The following PREX1 variants were observed in gnomAD, a reference collection of about 807,000 sequenced individuals.
The protein encoded by PREX1 is phosphatidylinositol-3,4,5-trisphosphate dependent Rac exchange factor 1, also known as phosphatidylinositol 3,4,5-trisphosphate-dependent Rac exchanger 1 protein.
Under a neutral mutation model 198.3 loss-of-function variants are expected in PREX1, and 41 were observed. That is an observed-to-expected ratio of 0.21 (90% CI 0.16 to 0.27). PREX1 has a LOEUF of 0.27. Ranked by LOEUF, PREX1 falls within the 10% of genes least tolerant of loss-of-function variation. PREX1 has a pLI of 1.00. For missense variants in PREX1, 1,620 were observed against 2,200.7 expected (o/e 0.74, Z 5.28); for synonymous variants, 843 against 887.2 (o/e 0.95, Z 0.89).
chr20:48,824,851 G>A (rs2090501802), intron 1 of PREX1, among the ~76,000 whole-genome samples: 2 of 152,124 alleles, frequency 1.3e-5, no homozygotes, highest in African/African-American at 2.4e-5. Flanking sequence ...TATCACGGGG[G>A]TTACTTTCCA....
At position 48,758,871 on chromosome 20, in the gene PREX1, T is replaced by C. The variant is rs900183910; in HGVS notation, c.220-10991A>G. 3.9e-5 allele frequency among the ~76,000 whole-genome samples: 6 copies of C among 152,160 alleles called. No individual in the cohort carries two copies. In the South Asian group the frequency reaches 8.3e-4, roughly 21 times the overall value. On this transcript the variant is annotated intron_variant, in intron 1 of 39. Coordinates refer to ENST00000371941, the MANE Select transcript of PREX1 (RefSeq NM_020820.4). ...AGCACCTGTCACCATGGACATTATG[T>C]GTGTTCATTATCAGTCTATTATCCA...
intron 28 of PREX1, 74 bp downstream of exon 28, chr20:48,642,333 C>T (rs1478181243): frequency 3.1e-6 from 5 of 1,604,388 alleles, no homozygotes; most frequent in Admixed American, 3.3e-5. Flanking sequence ...ACCCACAGCC[C>T]CCGGGTCATG....
At chr20:48,849,479 A>G in the PREX1 span, 1 of 152,234 alleles carries the variant, frequency 6.6e-6, no homozygotes, top group African/African-American at 2.4e-5. Context: ...ATGTTAGCTC[A>G]GCTGGGGCAG....
At chr20:48,864,887 C>T in the PREX1 span, among the ~76,000 whole-genome samples, 1 of 152,156 alleles carries the variant, frequency 6.6e-6, no homozygotes, top group Non-Finnish European at 1.5e-5. Flanking sequence ...GCAATCAGAT[C>T]ACCTTTATTT....
At chr20:48,693,721 C>A (rs2089831235) in intron 7 of PREX1, among the ~76,000 whole-genome samples, 2 of 151,940 alleles carry the variant, frequency 1.3e-5, no homozygotes, top group African/African-American at 4.8e-5. Flanking sequence ...GATTCTCCTG[C>A]CTCAGCCTCC....
chr20:48,718,468 G>A (rs1049653926), intron 5 of PREX1, among the ~76,000 whole-genome samples: 2 of 152,002 alleles, frequency 1.3e-5, no homozygotes, highest in Admixed American at 6.6e-5. Flanking sequence ...AATAAAACAC[G>A]GAAAGACGCA....
chr20:48,672,595 C>T (rs1197343792), intron 14 of PREX1, among the ~76,000 whole-genome samples: 2 of 152,262 alleles, frequency 1.3e-5, no homozygotes, highest in Non-Finnish European at 2.9e-5. Context: ...CTCGCCACTC[C>T]TCTCCCCTCT....
chr20:48,885,192 A>C, the PREX1 span, among the ~76,000 whole-genome samples: 1 of 152,234 alleles, frequency 6.6e-6, no homozygotes, highest in Non-Finnish European at 1.5e-5. Context: ...TCATCACTAT[A>C]GGTCATTTGG....
intron 1 of PREX1, among the ~76,000 whole-genome samples, chr20:48,825,076 A>C (rs1305645429): frequency 6.6e-6 from 1 of 152,232 alleles, no homozygotes; most frequent in Non-Finnish European, 1.5e-5. Context: ...TGAGGCTGCC[A>C]GCCTTGCAAC....
At chr20:48,653,234 T>C (rs1204958340) in intron 20 of PREX1, 127 bp downstream of exon 20, 1 of 1,406,374 alleles carries the variant, frequency 7.1e-7, no homozygotes, top group East Asian at 2.3e-5. Context: ...TCTTGTTGGG[T>C]CAGCAGCTCC....
At chr20:48,829,907 C>T (rs140308596), upstream of PREX1, among the ~76,000 whole-genome samples, 21 of 152,244 alleles carry the variant, frequency 1.4e-4, no homozygotes, top group African/African-American at 2.6e-4. Flanking sequence ...TTTGTGAGAG[C>T]GAATTCTATG....
At chr20:48,652,771 G>A (rs1314793844) in intron 20 of PREX1, 65 bp from the exon 21 acceptor site, 34 of 1,539,230 alleles carry the variant, frequency 2.2e-5, no homozygotes, top group South Asian at 1.1e-4. Flanking sequence ...GGACAGGGCC[G>A]AGGTGTGAAC....
chr20:48,850,270 C>T, the PREX1 span, among the ~76,000 whole-genome samples: 1 of 152,060 alleles, frequency 6.6e-6, no homozygotes, highest in Non-Finnish European at 1.5e-5. Context: ...GAGAGTGACC[C>T]GGGGCAAGCG....
chr20:48,731,041 T>C (rs1306539498), intron 4 of PREX1, among the ~76,000 whole-genome samples: 1 of 152,104 alleles, frequency 6.6e-6, no homozygotes, highest in African/African-American at 2.4e-5. Flanking sequence ...ACTCTTTCCA[T>C]TGACTAAATG....
At chr20:48,826,550 T>G (rs2123092186) in intron 1 of PREX1, among the ~76,000 whole-genome samples, 1 of 152,316 alleles carries the variant, frequency 6.6e-6, no homozygotes, top group Non-Finnish European at 1.5e-5. Context: ...GGAGCTAAAC[T>G]TTCCCAATCT....
At chr20:48,692,878 A>C in intron 7 of PREX1, 88 bp from the exon 8 acceptor site, 1 of 1,063,094 alleles carries the variant, frequency 9.4e-7, no homozygotes, top group Non-Finnish European at 1.5e-6. Flanking sequence ...CACAACACTG[A>C]GGGGCATCCA....
At chr20:48,704,178 G>A (rs187082704) in intron 6 of PREX1, among the ~76,000 whole-genome samples, 38 of 152,328 alleles carry the variant, frequency 2.5e-4, no homozygotes, top group Admixed American at 2.3e-3. Flanking sequence ...GGTCACATAG[G>A]TGGTAAGGCA....
At chr20:48,812,113 C>A (rs1372783440) in intron 1 of PREX1, among the ~76,000 whole-genome samples, 3 of 152,180 alleles carry the variant, frequency 2.0e-5, no homozygotes, top group Non-Finnish European at 4.4e-5. Flanking sequence ...TAATAAGGAC[C>A]AAAGGGTCCT....
At chr20:48,811,643 C>T (rs1568650795) in intron 1 of PREX1, among the ~76,000 whole-genome samples, 6 of 97,820 alleles carry the variant, frequency 6.1e-5, no homozygotes, top group Non-Finnish European at 2.2e-5. Flanking sequence ...CACACACACA[C>T]GTACGTGTGC....
Sources: allele counts gnomAD v4.1 joint callset (sites outside exome capture counted in the v4.1 genomes callset), GRCh38; gene constraint gnomAD v4.1.1; transcripts MANE v1.5; gene names NCBI Gene and HGNC (gene_info 2026-07-23, HGNC 2026-07-21).